Variants in HECW2 observed in about 807,000 individuals in gnomAD.
HECW2 encodes HECT, C2 and WW domain containing E3 ubiquitin protein ligase 2.
Under a neutral mutation model 175.2 loss-of-function variants are expected in HECW2, and 61 were observed. The ratio of observed to expected loss-of-function variants is 0.35; its 90% CI spans 0.28 to 0.43. The LOEUF (loss-of-function observed/expected upper bound fraction) is 0.43. Among genes scored for constraint, HECW2 ranks in the 20% least tolerant of loss-of-function variants. The probability of loss-of-function intolerance (pLI) is 1.00; values close to 1 mark genes in which losing one functional copy is unlikely to be tolerated. For synonymous variants in HECW2, 671 were observed against 731.0 expected (o/e 0.92, Z 1.32); for missense variants, 1,524 against 2,000.5 (o/e 0.76, Z 4.54).
intron 1 of HECW2, among the ~76,000 whole-genome samples, chr2:196,483,253 G>C (rs748537934): frequency 6.6e-6 from 1 of 152,014 alleles, no homozygotes. Flanking sequence ...TTATTTACTC[G>C]ATGGATATTT....
intron 2 of HECW2, among the ~76,000 whole-genome samples, chr2:196,388,494 T>A (rs1694415714): frequency 1.3e-5 from 2 of 152,182 alleles, no homozygotes; most frequent in African/African-American, 2.4e-5. Context: ...ATCATTCCCA[T>A]GTTACCTGTG....
intron 15 of HECW2, 145 bp from the exon 16 acceptor site, chr2:196,274,268 C>T (rs1689855534): frequency 4.8e-6 from 3 of 622,798 alleles, no homozygotes; most frequent in Admixed American, 5.7e-5. Flanking sequence ...GGGGCTGAAG[C>T]AGGGTTCTTA....
At chr2:196,543,990 G>A (rs1022731754) in intron 1 of HECW2, among the ~76,000 whole-genome samples, 4 of 152,202 alleles carry the variant, frequency 2.6e-5, no homozygotes, top group Non-Finnish European at 4.4e-5. Flanking sequence ...AGGGCATTCA[G>A]TTCATCTACC....
intron 1 of HECW2, among the ~76,000 whole-genome samples, chr2:196,436,400 CAAAAAAA>C (rs35290180): frequency 0.024 from 1,955 of 82,110 alleles, 64 homozygotes; most frequent in African/African-American, 0.079. Flanking sequence ...GACTCCATCT[CAAAAAAA>C]AAAAAAAAAA....
intron 19 of HECW2, among the ~76,000 whole-genome samples, chr2:196,245,520 G>A (rs774058340): frequency 4.6e-5 from 7 of 152,150 alleles, no homozygotes; most frequent in Non-Finnish European, 1.0e-4. Flanking sequence ...AAAATACAGG[G>A]CTGGAATTGG....
At chr2:196,473,343 A>G (rs1231124708) in intron 1 of HECW2, among the ~76,000 whole-genome samples, 4 of 152,248 alleles carry the variant, frequency 2.6e-5, no homozygotes, top group African/African-American at 7.2e-5. Flanking sequence ...TAGAAAATAC[A>G]TAACAGACAC....
At chr2:196,410,060 T>A (rs1695068377) in intron 2 of HECW2, among the ~76,000 whole-genome samples, 1 of 152,156 alleles carries the variant, frequency 6.6e-6, no homozygotes, top group Non-Finnish European at 1.5e-5. Context: ...AGAGGACTCC[T>A]CAAAATAAGT....
At chr2:196,400,660 T>C (rs891447366) in intron 2 of HECW2, among the ~76,000 whole-genome samples, 7 of 152,154 alleles carry the variant, frequency 4.6e-5, no homozygotes, top group African/African-American at 1.7e-4. Context: ...GCTGGTTTAC[T>C]TGAAAATCAT....
At chr2:196,213,815 T>G (rs1459246959) in intron 28 of HECW2, among the ~76,000 whole-genome samples, 1 of 152,138 alleles carries the variant, frequency 6.6e-6, no homozygotes, top group Non-Finnish European at 1.5e-5. Context: ...CCCTCAAGAT[T>G]CTTCAGCAAC....
At chr2:196,468,685 C>CA (rs1195299560) in intron 1 of HECW2, among the ~76,000 whole-genome samples, 2 of 152,052 alleles carry the variant, frequency 1.3e-5, no homozygotes, top group Non-Finnish European at 2.9e-5. Context: ...TTTCCACTTC[C>CA]AAAGCTACAG....
intron 21 of HECW2, among the ~76,000 whole-genome samples, chr2:196,233,306 G>A (rs1688126558): frequency 6.6e-6 from 1 of 152,126 alleles, no homozygotes; most frequent in Non-Finnish European, 1.5e-5. Flanking sequence ...GTAGTCTGGA[G>A]CCCCAAGTGC....
At position 196,225,795 on chromosome 2, in the gene HECW2, G is replaced by C. The variant is rs531816571; in HGVS notation, c.3993C>G (p.Pro1331=). The C allele has an allele frequency of 1.2e-6, 2 of 1,608,278 alleles. No homozygotes were observed. The highest frequency in any genetic ancestry group is 2.7e-5 in the African/African-American group (2 of 74,884). Reference sequence around the variant, plus strand: ...ACATTCTGAGAAGAGCCTTATAAAAGGGCCGTGTGAAGAAGGCATCCAACA... The same window carrying C: ...ACATTCTGAGAAGAGCCTTATAAAACGGCCGTGTGAAGAAGGCATCCAACA... ...QYLLDAFFTR[P]FYKALLRILC... The change falls in exon 23 of 29, where the codon CCC becomes CCG. Residue 1331 remains proline (P), a synonymous_variant. Transcript: ENST00000644978.
chr2:196,207,716 C>T (rs936127715), intron 28 of HECW2, among the ~76,000 whole-genome samples: 7 of 152,172 alleles, frequency 4.6e-5, no homozygotes, highest in African/African-American at 7.2e-5. Context: ...CCACAAGGTT[C>T]GGCACTTAGT....
At chr2:196,371,724 G>A (rs982183467) in intron 2 of HECW2, among the ~76,000 whole-genome samples, 4 of 152,076 alleles carry the variant, frequency 2.6e-5, no homozygotes, top group Non-Finnish European at 5.9e-5. Flanking sequence ...ATGTCCACAG[G>A]TAGTCTGCGA....
Position 196,383,288 on chromosome 2 carries a change from C to A in HECW2, c.293-39524G>T, listed in dbSNP as rs578227643. 2.0e-4 allele frequency among the ~76,000 whole-genome samples: 30 copies of A among 152,258 alleles called. No homozygotes were observed. The East Asian group carries it at 5.6e-3, about 28-fold the overall frequency. On this transcript the variant is annotated intron_variant, in intron 2 of 28. Coordinates refer to ENST00000644978, the MANE Select transcript of HECW2 (RefSeq NM_001348768.2). ...TTGGGCTACAATGAATTTGAGGGGT[C>A]TGAGGCCAATCCAGGTGGAGATGCC...
intron 9 of HECW2, among the ~76,000 whole-genome samples, chr2:196,317,836 A>G (rs1027609359): frequency 2.0e-5 from 3 of 152,198 alleles, no homozygotes; most frequent in Admixed American, 6.5e-5. Flanking sequence ...GCATCCTTAC[A>G]GGGCATATTA....
intron 3 of HECW2, 114 bp from the exon 4 acceptor site, chr2:196,334,632 GACC>G: frequency 1.3e-6 from 1 of 793,738 alleles, no homozygotes; most frequent in South Asian, 1.7e-5. Context: ...GACTCTGAAT[GACC>G]TCTTTTTTCC....
At chr2:196,402,424 GA>G (rs1694847402) in intron 2 of HECW2, among the ~76,000 whole-genome samples, 1 of 152,160 alleles carries the variant, frequency 6.6e-6, no homozygotes, top group Non-Finnish European at 1.5e-5. Context: ...ATGGGAATAA[GA>G]GTGAGAGACT....
chr2:196,371,920 C>G, intron 2 of HECW2, among the ~76,000 whole-genome samples: 1 of 152,322 alleles, frequency 6.6e-6, no homozygotes, highest in East Asian at 1.9e-4. Flanking sequence ...CTTGTATCCC[C>G]TTTTAGAATA....
Sources: gnomAD v4.1 joint callset for allele counts (sites outside exome capture counted in the v4.1 genomes callset) on GRCh38, gnomAD v4.1.1 for gene constraint, MANE v1.5 for transcripts, NCBI Gene and HGNC (gene_info 2026-07-23, HGNC 2026-07-21) for gene names.